Variants in UGT2B10 observed in about 807,000 individuals in gnomAD.
The protein encoded by UGT2B10 is UDP glucuronosyltransferase family 2 member B10.
In UGT2B10, 51 loss-of-function variants were observed where a neutral mutation model predicts 43.7. That is an observed-to-expected ratio of 1.17 (90% CI 0.93 to 1.47). UGT2B10 has a LOEUF of 1.47. Ranked by LOEUF, UGT2B10 falls within the 40% of genes most tolerant of loss-of-function variation. UGT2B10 has a pLI of 0.00. For missense variants in UGT2B10, 696 were observed against 617.7 expected, an observed-to-expected ratio of 1.13 and a Z score of -1.34; for synonymous variants, 225 against 209.0, an observed-to-expected ratio of 1.08 and a Z score of -0.66.
rs757183522 is a variant in UGT2B10 at position 68,830,787 on chromosome 4, T to G, written c.1495T>G (p.Cys499Gly). 1.6e-5 allele frequency: 26 copies of G among 1,613,270 alleles called. No homozygotes were observed. In the East Asian group the frequency reaches 5.6e-4, roughly 35 times the overall value. ...SLDVIGFLLA[C>G]VATVLFIITK... ...GGATGTGATTGGGTTCCTGCTGGCT[T>G]GTGTGGCAACCGTGCTATTTATCAT... is the stretch of plus-strand genomic sequence containing the variant. The change falls in exon 6 of 6, where the codon TGT becomes GGT. Residue 499 changes from cysteine to glycine, a missense_variant. Coordinates refer to ENST00000265403, the MANE Select transcript of UGT2B10 (RefSeq NM_001075.6).
At chr4:68,816,831 T>C in intron 1 of UGT2B10, 94 bp downstream of exon 1, 1 of 1,055,268 alleles carries the variant, frequency 9.5e-7, no homozygotes, top group Non-Finnish European at 1.3e-6. Flanking sequence ...GGAAGTGGAG[T>C]TTTTGGTAAA....
chr4:68,828,807 G>A (rs768362562), intron 5 of UGT2B10, among the ~76,000 whole-genome samples: 9 of 151,888 alleles, frequency 5.9e-5, no homozygotes, highest in Non-Finnish European at 7.4e-5. Flanking sequence ...GGCATGTGGT[G>A]GGAAATAAAT....
intron 3 of UGT2B10, 56 bp from the exon 4 acceptor site, chr4:68,826,354 A>C: frequency 6.4e-7 from 1 of 1,554,446 alleles, no homozygotes; most frequent in Non-Finnish European, 8.8e-7. Context: ...CAGTTCTAAC[A>C]TTTTATAACT....
chr4:68,820,783 A>G (rs1737453371), intron 2 of UGT2B10, among the ~76,000 whole-genome samples: 1 of 152,098 alleles, frequency 6.6e-6, no homozygotes, highest in Non-Finnish European at 1.5e-5. Context: ...TAATATCTCT[A>G]GATAGAAATT....
At chr4:68,822,086 G>A (rs1357579654) in intron 2 of UGT2B10, among the ~76,000 whole-genome samples, 185 bp from the exon 3 acceptor site, 1 of 151,880 alleles carries the variant, frequency 6.6e-6, no homozygotes, top group Non-Finnish European at 1.5e-5. Context: ...CCTTAACAGA[G>A]GCCAACTATC....
At chr4:68,817,682 A>G (rs903482339) in intron 1 of UGT2B10, among the ~76,000 whole-genome samples, 7 of 151,708 alleles carry the variant, frequency 4.6e-5, no homozygotes, top group African/African-American at 1.7e-4. Flanking sequence ...GAGCTCAAAG[A>G]TTTGTTTAAA....
At chr4:68,819,534 A>G (rs1737390157) in intron 2 of UGT2B10, among the ~76,000 whole-genome samples, 1 of 152,038 alleles carries the variant, frequency 6.6e-6, no homozygotes, top group Non-Finnish European at 1.5e-5. Context: ...ATTTTAATAA[A>G]GCATTTAAAT....
chr4:68,825,664 A>G (rs1188979182), intron 3 of UGT2B10, among the ~76,000 whole-genome samples: 8 of 152,204 alleles, frequency 5.3e-5, no homozygotes, highest in Admixed American at 1.3e-4. Flanking sequence ...TGCAAAATAC[A>G]TATTTTTATT....
chr4:68,823,092 A>G (rs1373774448), intron 3 of UGT2B10, among the ~76,000 whole-genome samples: 1 of 152,178 alleles, frequency 6.6e-6, no homozygotes, highest in African/African-American at 2.4e-5. Flanking sequence ...TATGCAGTAT[A>G]TACTCTATTT....
At chr4:68,819,991 T>C (rs1478098978) in intron 2 of UGT2B10, among the ~76,000 whole-genome samples, 1 of 152,046 alleles carries the variant, frequency 6.6e-6, no homozygotes, top group Non-Finnish European at 1.5e-5. Context: ...GCAAGTTGTA[T>C]AGGCTTTATA....
Position 68,822,268 on chromosome 4 carries a change from C to G in UGT2B10, c.868-3C>G, listed in dbSNP as rs782392881. ...GATGAAACATTTTTTCTTTTTCCCA[C>G]AGGAAATGGAGGAGTTTGTACAGAG... On this transcript the variant is annotated splice_polypyrimidine_tract_variant and splice_region_variant and intron_variant, in intron 2 of 5. Transcript: ENST00000265403. The G allele has an allele frequency of 1.2e-6, 2 of 1,608,444 alleles. No homozygotes were observed. The highest frequency in any genetic ancestry group is 1.1e-5 in the South Asian group (1 of 89,990).
intron 2 of UGT2B10, among the ~76,000 whole-genome samples, chr4:68,821,138 A>G (rs1325433246): frequency 4.6e-5 from 7 of 152,188 alleles, no homozygotes; most frequent in African/African-American, 1.7e-4. Flanking sequence ...GTTCTGCCAT[A>G]TGTGGTGCAC....
At chr4:68,826,017 T>C (rs1173737599) in intron 3 of UGT2B10, among the ~76,000 whole-genome samples, 3 of 152,114 alleles carry the variant, frequency 2.0e-5, no homozygotes, top group Admixed American at 1.3e-4. Context: ...TTTTGAGTTT[T>C]TAATAATGGC....
At chr4:68,827,237 T>G in intron 4 of UGT2B10, 92 bp from the exon 5 acceptor site, 1 of 1,589,530 alleles carries the variant, frequency 6.3e-7, no homozygotes, top group Non-Finnish European at 8.6e-7. Context: ...GTTCAGTGTG[T>G]TATCTAGAAA....
Position 68,818,056 on chromosome 4 carries a change from T to A in UGT2B10, c.746T>A (p.Met249Lys). ...AGACCCACTACATTATCTGAGACAATGAGGAAAGCTGACATATGGCTTATG... is the reference window on the plus strand; with the variant it reads ...AGACCCACTACATTATCTGAGACAAAGAGGAAAGCTGACATATGGCTTATG... Reference protein sequence around the residue: ...LGRPTTLSETMRKADIWLMRN... With the variant: ...LGRPTTLSETKRKADIWLMRN... The change falls in exon 2 of 6, where the codon ATG becomes AAG. Residue 249 changes from methionine to lysine, a missense_variant. By Grantham distance (95) the Met-to-Lys change is moderately conservative. Coordinates refer to ENST00000265403, the MANE Select transcript of UGT2B10 (RefSeq NM_001075.6). 1 of 1,610,986 alleles carries A rather than the reference T, an allele frequency of 6.2e-7. No homozygotes were observed. Among genetic ancestry groups the A allele is most frequent in the Non-Finnish European group, 8.5e-7 (1 of 1,178,330 alleles).
chr4:68,827,811 T>C (rs1230557162), intron 5 of UGT2B10, among the ~76,000 whole-genome samples: 1 of 152,024 alleles, frequency 6.6e-6, no homozygotes, highest in African/African-American at 2.4e-5. Context: ...AAAAAATACA[T>C]TTCTTAAAAA....
intron 2 of UGT2B10, among the ~76,000 whole-genome samples, chr4:68,821,360 C>T (rs867033988): frequency 6.6e-6 from 1 of 152,118 alleles, no homozygotes; most frequent in Non-Finnish European, 1.5e-5. Context: ...GAGACAAGAT[C>T]CCCCTGAAGA....
intron 2 of UGT2B10, among the ~76,000 whole-genome samples, 187 bp from the exon 3 acceptor site, chr4:68,822,084 G>A (rs1737529211): frequency 6.6e-6 from 1 of 151,960 alleles, no homozygotes; most frequent in Non-Finnish European, 1.5e-5. Context: ...ATCCTTAACA[G>A]AGGCCAACTA....
At chr4:68,822,517 C>G in intron 3 of UGT2B10, 115 bp downstream of exon 3, 3 of 1,576,466 alleles carry the variant, frequency 1.9e-6, no homozygotes, top group Non-Finnish European at 2.6e-6. Flanking sequence ...CTGAATACAA[C>G]CTTAAATATG....
Sources: allele counts gnomAD v4.1 joint callset (sites outside exome capture counted in the v4.1 genomes callset), GRCh38; gene constraint gnomAD v4.1.1; transcripts MANE v1.5; gene names NCBI Gene and HGNC (gene_info 2026-07-23, HGNC 2026-07-21).